GRIK1: variants seen among roughly 807,000 people sequenced by gnomAD.
GRIK1 encodes the protein glutamate receptor ionotropic, kainate 1.
A neutral mutation model predicts 105.7 loss-of-function variants in GRIK1; 69 were observed. The ratio of observed to expected loss-of-function variants is 0.65; its 90% CI spans 0.54 to 0.80. The LOEUF is 0.80. Among genes scored for constraint, GRIK1 ranks in the 30% least tolerant of loss-of-function variants. The probability of loss-of-function intolerance (pLI) is 0.00; values close to 1 mark genes in which losing one functional copy is unlikely to be tolerated. For synonymous variants in GRIK1, 438 were observed against 431.3 expected (o/e 1.02, Z -0.19); for missense variants, 1,109 against 1,167.3 (o/e 0.95, Z 0.73).
chr21:29,721,319 T>C (rs1203731747), intron 1 of GRIK1, among the ~76,000 whole-genome samples: 5 of 152,110 alleles, frequency 3.3e-5, no homozygotes, highest in Admixed American at 6.6e-5. Context: ...ATTTATTAGA[T>C]AACCACATGA....
chr21:29,685,955 T>C (rs1482099603), intron 3 of GRIK1, among the ~76,000 whole-genome samples: 4 of 152,168 alleles, frequency 2.6e-5, no homozygotes, highest in African/African-American at 4.8e-5. Flanking sequence ...TCTTATTTCA[T>C]AGGGGCCCTG....
At chr21:29,581,170 A>G (rs999159360) in intron 13 of GRIK1, among the ~76,000 whole-genome samples, 1 of 152,188 alleles carries the variant, frequency 6.6e-6, no homozygotes. Flanking sequence ...AAGGTACCTT[A>G]TCTTTTGCTA....
intron 14 of GRIK1, among the ~76,000 whole-genome samples, chr21:29,570,124 C>T (rs2090706991): frequency 6.6e-6 from 1 of 152,038 alleles, no homozygotes; most frequent in Non-Finnish European, 1.5e-5. Flanking sequence ...ATTTCATCAG[C>T]AGAGAACAGA....
intron 1 of GRIK1, among the ~76,000 whole-genome samples, chr21:29,705,291 T>C: frequency 6.6e-6 from 1 of 152,334 alleles, no homozygotes; most frequent in East Asian, 1.9e-4. Flanking sequence ...TGAGATCTTA[T>C]ACATAGAGAG....
chr21:29,777,693 G>A (rs748531789), intron 1 of GRIK1, among the ~76,000 whole-genome samples: 4 of 152,182 alleles, frequency 2.6e-5, no homozygotes, highest in Non-Finnish European at 4.4e-5. Flanking sequence ...ATGGCAGCAC[G>A]CTGAAGGACG....
intron 15 of GRIK1, among the ~76,000 whole-genome samples, chr21:29,561,349 A>G (rs984066181): frequency 6.6e-6 from 1 of 152,154 alleles, no homozygotes; most frequent in African/African-American, 2.4e-5. Flanking sequence ...TATTCTCTTT[A>G]AGATATTTGG....
intron 1 of GRIK1, among the ~76,000 whole-genome samples, chr21:29,765,043 A>G (rs796899362): frequency 3.3e-5 from 5 of 152,346 alleles, no homozygotes; most frequent in African/African-American, 1.2e-4. Flanking sequence ...TTTCAAATGG[A>G]GAAAAAATAG....
chr21:29,647,044 C>T (rs2062635797), intron 6 of GRIK1, among the ~76,000 whole-genome samples: 2 of 152,126 alleles, frequency 1.3e-5, no homozygotes, highest in Admixed American at 6.6e-5. Context: ...CAAAGTTTCA[C>T]CATGTTGGCC....
intron 1 of GRIK1, among the ~76,000 whole-genome samples, chr21:29,709,866 C>T (rs1450395361): frequency 6.6e-6 from 1 of 151,658 alleles, no homozygotes; most frequent in Non-Finnish European, 1.5e-5. Context: ...TGAGTTTTCT[C>T]ATAATGTAAT....
chr21:29,584,319 C>CT (rs1349145301), intron 12 of GRIK1, among the ~76,000 whole-genome samples: 7 of 151,296 alleles, frequency 4.6e-5, no homozygotes, highest in Non-Finnish European at 4.4e-5. Context: ...TTTTTTTTTG[C>CT]CAAATGCCAA....
At chr21:29,822,344 T>C (rs1268396646) in intron 1 of GRIK1, among the ~76,000 whole-genome samples, 1 of 152,090 alleles carries the variant, frequency 6.6e-6, no homozygotes, top group Non-Finnish European at 1.5e-5. Context: ...AATATTGTAG[T>C]AGCATGGATG....
chr21:29,829,358 C>T (rs1001042140), intron 1 of GRIK1, among the ~76,000 whole-genome samples: 8 of 152,088 alleles, frequency 5.3e-5, no homozygotes, highest in South Asian at 2.1e-4. Flanking sequence ...TAACTTTGGA[C>T]GTCTTCATAA....
chr21:29,573,479 C>T (rs2090805553), intron 14 of GRIK1, among the ~76,000 whole-genome samples: 2 of 152,024 alleles, frequency 1.3e-5, no homozygotes, highest in Non-Finnish European at 1.5e-5. Context: ...GTGGCTCACA[C>T]CTGTAATTCC....
chr21:29,859,684 C>T (rs1298977460), intron 1 of GRIK1, among the ~76,000 whole-genome samples: 1 of 152,174 alleles, frequency 6.6e-6, no homozygotes. Flanking sequence ...TTTATCAGCA[C>T]TGGGTGGGGA....
At chr21:29,643,291 T>A (rs2062552743) in intron 6 of GRIK1, among the ~76,000 whole-genome samples, 1 of 152,198 alleles carries the variant, frequency 6.6e-6, no homozygotes, top group African/African-American at 2.4e-5. Flanking sequence ...GGTGTTAAGA[T>A]CAACTACCTT....
intron 3 of GRIK1, among the ~76,000 whole-genome samples, chr21:29,675,287 AGATGGG>A (rs1205600807): frequency 1.3e-5 from 2 of 152,136 alleles, no homozygotes; most frequent in Non-Finnish European, 2.9e-5. Context: ...CTTGTTGATG[AGATGGG>A]GAAAAAATAG....
intron 1 of GRIK1, among the ~76,000 whole-genome samples, chr21:29,803,590 G>T (rs1331830043): frequency 6.6e-6 from 1 of 152,000 alleles, no homozygotes; most frequent in Non-Finnish European, 1.5e-5. Context: ...TTTATAGCAG[G>T]GCTTTCACTA....
chr21:29,728,891 G>A (rs1303337387), intron 1 of GRIK1, among the ~76,000 whole-genome samples: 1 of 152,200 alleles, frequency 6.6e-6, no homozygotes, highest in Non-Finnish European at 1.5e-5. Flanking sequence ...ATAGTTTGCA[G>A]TTTTAAGTAG....
intron 1 of GRIK1, among the ~76,000 whole-genome samples, chr21:29,799,081 C>T (rs2066634207): frequency 6.6e-6 from 1 of 152,158 alleles, no homozygotes; most frequent in Non-Finnish European, 1.5e-5. Context: ...GCCAGCAATC[C>T]CAGGCTAAAC....
Sources: allele counts gnomAD v4.1 joint callset (sites outside exome capture counted in the v4.1 genomes callset), GRCh38; gene constraint gnomAD v4.1.1; transcripts MANE v1.5; gene names NCBI Gene and HGNC (gene_info 2026-07-23, HGNC 2026-07-21).